The following PCDH12 variants were observed in gnomAD, a reference collection of about 807,000 sequenced individuals.
PCDH12 encodes the protein protocadherin-12.
PCDH12 carries 45 observed loss-of-function variants against 70.9 expected under a neutral mutation model. That is an observed-to-expected ratio of 0.63 (90% confidence interval 0.50 to 0.81). The LOEUF (loss-of-function observed/expected upper bound fraction) is 0.81. Ranked by LOEUF, PCDH12 falls within the 40% of genes least tolerant of loss-of-function variation. The pLI, the probability that PCDH12 is intolerant of heterozygous loss-of-function variation, is 0.00. For missense variants in PCDH12, 1,370 were observed against 1,491.7 expected (o/e 0.92, Z 1.34); for synonymous variants, 567 against 626.0 (o/e 0.91, Z 1.41).
Position 141,945,390 on chromosome 5 carries a change from C to T in PCDH12, c.3546G>A (p.Arg1182=). The part of the protein sequence containing the change: ...GKSRGSSSSS[R]CL ...GGCGTCTGAGGTATGTTCACAGGCA[C>T]CTGCTGCTGCTGCTGCTGCCTCTGC... Residue 1182 remains arginine, a synonymous_variant, in exon 4 of 4, where the codon AGG becomes AGA. Transcript: ENST00000231484. The T allele has an allele frequency of 6.4e-7, 1 of 1,551,102 alleles. No individual in the cohort carries two copies. The highest frequency in any genetic ancestry group is 8.8e-7 in the Non-Finnish European group (1 of 1,133,176).
chr5:141,955,360 T>A lies in PCDH12; in HGVS notation c.2492A>T (p.Asn831Ile), dbSNP rs751347629. ...TCGGCTCTCCGCCGGTGCTCCCTGG[T>A]TGCCTTGATTACGCAGCGTCCTGTA... ...TLYRTLRNQG[N>I]QGAPAESREV... is the part of the protein sequence containing the mutation. Residue 831 changes from asparagine (N) to isoleucine (I), a missense_variant, in exon 1 of 4, where the codon AAC becomes ATC. By Grantham distance (149) the Asn-to-Ile change is moderately radical. Coordinates refer to ENST00000231484, the MANE Select transcript of PCDH12 (RefSeq NM_016580.4). This position sits in a 1 kb window ranked among gnomAD's most constrained non-coding sequence, Gnocchi z 5.5. 6.2e-7 allele frequency: 1 copy of A among 1,614,096 alleles called. No homozygotes were observed. Among genetic ancestry groups the A allele is most frequent in the Non-Finnish European group, 8.5e-7 (1 of 1,180,002 alleles).
intron 3 of PCDH12, among the ~76,000 whole-genome samples, chr5:141,948,748 A>AT (rs1205922333): frequency 6.6e-5 from 10 of 151,932 alleles, no homozygotes; most frequent in Admixed American, 1.3e-4. Context: ...AGGCTACTTG[A>AT]TTTTTTTGAG....
chr5:141,945,602 C>G lies in PCDH12; in HGVS notation c.3334G>C (p.Glu1112Gln), dbSNP rs971005425. 6.2e-7 allele frequency: 1 copy of G among 1,614,092 alleles called. No individual in the cohort carries two copies. The highest frequency in any genetic ancestry group is 8.5e-7 in the Non-Finnish European group (1 of 1,180,054). The part of the protein sequence containing the change: ...GTRLASTFVS[E>Q]MSSLLEMLLE... Reference sequence around the variant, plus strand: ...AGCATCTCCAGCAGTGAGCTCATCTCCGAGACAAAGGTGCTGGCCAGCCTC... The same window carrying G: ...AGCATCTCCAGCAGTGAGCTCATCTGCGAGACAAAGGTGCTGGCCAGCCTC... Residue 1112 changes from glutamate to glutamine, a missense_variant, in exon 4 of 4, where the codon GAG becomes CAG. Physicochemically the swap from Glu to Gln is conservative, Grantham distance 29. Transcript: ENST00000231484.
intron 3 of PCDH12, among the ~76,000 whole-genome samples, chr5:141,946,993 A>C (rs1752951690): frequency 6.6e-6 from 1 of 152,174 alleles, no homozygotes; most frequent in Admixed American, 6.5e-5. Context: ...ACAGAATGAA[A>C]GACTGGAAGG....
intron 1 of PCDH12, chr5:141,953,072 C>G (rs1030392479): frequency 1.3e-5 from 2 of 152,320 alleles, no homozygotes; most frequent in Admixed American, 1.3e-4. Flanking sequence ...CCACCCTTTG[C>G]TCAAGTGACA....
chr5:141,957,929 A>T lies in PCDH12; in HGVS notation c.-78T>A, dbSNP rs1331256828. Reference sequence around the variant, plus strand: ...GGACAAGTCCTCCAGTGTTTCCTGGATGGCTTGATCAGCCCCGTGCTCCTT... The same window carrying T: ...GGACAAGTCCTCCAGTGTTTCCTGGTTGGCTTGATCAGCCCCGTGCTCCTT... On this transcript the variant is annotated 5_prime_UTR_variant, in exon 1 of 4. Transcript: ENST00000231484. This position sits in a 1 kb window ranked among gnomAD's most constrained non-coding sequence, Gnocchi z 4.3. The T allele has an allele frequency of 1.3e-6, 2 of 1,515,634 alleles. No individual in the cohort carries two copies. Among genetic ancestry groups the T allele is most frequent in the Non-Finnish European group, 1.8e-6 (2 of 1,130,626 alleles). The allele number at this position is 1,515,634 out of a possible 1,614,324, so 93.9% of individuals were successfully genotyped here. A position where few individuals can be genotyped will look rare whatever the true frequency, so the allele number is the denominator to read the frequency against.
chr5:141,954,341 A>C (rs1753139656), intron 1 of PCDH12, among the ~76,000 whole-genome samples: 1 of 152,192 alleles, frequency 6.6e-6, no homozygotes, highest in African/African-American at 2.4e-5. Context: ...CTTCATAGGG[A>C]AGTTGCCCAG....
At chr5:141,949,723 ATCATGT>A (rs1240078166) in intron 2 of PCDH12, 140 bp from the exon 3 acceptor site, 1 of 888,258 alleles carries the variant, frequency 1.1e-6, no homozygotes, top group Non-Finnish European at 1.7e-6. Context: ...ACCAACCTGG[ATCATGT>A]GATTCCCGCC....
At position 141,945,191 on chromosome 5, in the gene PCDH12, C is replaced by T; in HGVS notation, c.*190G>A. On this transcript the variant is annotated 3_prime_UTR_variant, in exon 4 of 4. Transcript: ENST00000231484. ...CTGTCCTCCAAAAGACTCAGAGCTG[C>T]TTACAAGGGGCTGCTTTGGTCAGTC... The T allele has an allele frequency of 1.4e-6, 1 of 701,750 alleles. No homozygotes were observed. Among genetic ancestry groups the T allele is most frequent in the East Asian group, 2.5e-5 (1 of 40,072 alleles). The allele number at this position is 701,750 out of a possible 1,614,324, so 43.5% of individuals were successfully genotyped here.
intron 3 of PCDH12, among the ~76,000 whole-genome samples, chr5:141,948,629 G>T (rs938399412): frequency 1.2e-4 from 18 of 152,214 alleles, no homozygotes; most frequent in Non-Finnish European, 1.6e-4. Context: ...CAGGGTGAAA[G>T]GGTATTGAAA....
Position 141,958,024 on chromosome 5 carries a change from A to G in PCDH12, c.-173T>C. On this transcript the variant is annotated 5_prime_UTR_variant, in exon 1 of 4. Transcript: ENST00000231484. ...ATGAAACAAGCAGGACCCCAAGGCA[A>G]GGCCATCTTCATTGGAAGCGATCTG... 1.4e-6 allele frequency: 1 copy of G among 715,094 alleles called. No individual in the cohort carries two copies. Among genetic ancestry groups the G allele is most frequent in the Non-Finnish European group, 2.2e-6 (1 of 444,860 alleles). The allele number at this position is 715,094 out of a possible 1,614,324, so 44.3% of individuals were successfully genotyped here.
intron 1 of PCDH12, chr5:141,952,558 AG>A (rs1753105848): frequency 6.6e-6 from 1 of 152,234 alleles, no homozygotes. Context: ...AGAATGGAGT[AG>A]GGGATGGGTG....
chr5:141,957,712 C>A lies in PCDH12; in HGVS notation c.140G>T (p.Gly47Val). 1 of 1,614,094 alleles carries A rather than the reference C, an allele frequency of 6.2e-7. No individual in the cohort carries two copies. The highest frequency in any genetic ancestry group is 8.5e-7 in the Non-Finnish European group (1 of 1,180,022). Residue 47 changes from glycine to valine, a missense_variant, in exon 1 of 4, where the codon GGG becomes GTG. Coordinates refer to ENST00000231484, the MANE Select transcript of PCDH12 (RefSeq NM_016580.4). The surrounding 1 kb of genome is among the most constrained non-coding windows in gnomAD (Gnocchi z 4.3). ...SEEVPSGTVIGKLSQELGREE... is the reference protein window; with the variant it reads ...SEEVPSGTVIVKLSQELGREE... Reference sequence around the variant, plus strand: ...CCGGCCCAGTTCCTGGGACAGCTTCCCGATCACTGTACCAGATGGCACTTC... The same window carrying A: ...CCGGCCCAGTTCCTGGGACAGCTTCACGATCACTGTACCAGATGGCACTTC...
Position 141,945,749 on chromosome 5 carries a change from AAG to A in PCDH12, c.3185_3186del (p.Ser1062PhefsTer9), listed in dbSNP as rs1466358630. ...TCACGGTAGTTGGTGGTGAGGGGCA[AAG>A]AGAGTCTCGCCATCCAGGCCGGGTC... ...APDPAWMARLSLPLTTNYRDN... is the reference protein window; with the variant it reads ...APDPAWMARLXLPLTTNYRDN... On this transcript the variant is annotated frameshift_variant, in exon 4 of 4. Coordinates refer to ENST00000231484, the MANE Select transcript of PCDH12 (RefSeq NM_016580.4). LOFTEE classifies it high-confidence loss of function. 1.9e-6 allele frequency: 3 copies of A among 1,613,892 alleles called. No individual in the cohort carries two copies. The highest frequency in any genetic ancestry group is 2.2e-5 in the East Asian group (1 of 44,886).
At position 141,957,306 on chromosome 5, in the gene PCDH12, C is replaced by G. The variant is rs769226373; in HGVS notation, c.546G>C (p.Leu182Phe). The G allele has an allele frequency of 9.3e-6, 15 of 1,613,238 alleles. No homozygotes were observed. In the East Asian group the frequency reaches 3.3e-4, roughly 36 times the overall value. Residue 182 changes from leucine (L) to phenylalanine (F), a missense_variant, in exon 1 of 4, where the codon TTG (leucine) becomes TTC (phenylalanine). Coordinates refer to ENST00000231484, the MANE Select transcript of PCDH12 (RefSeq NM_016580.4). This position sits in a 1 kb window ranked among gnomAD's most constrained non-coding sequence, Gnocchi z 4.3. ...TCTCATCAGGGCCCACAATGACATC[C>G]AAGGCAAAGTGCTCACTGGGAGACA... Reference protein sequence around the residue: ...YTLSPSEHFALDVIVGPDETK... With the variant: ...YTLSPSEHFAFDVIVGPDETK...
intron 2 of PCDH12, among the ~76,000 whole-genome samples, chr5:141,950,911 G>T (rs1753067799): frequency 6.6e-6 from 1 of 152,166 alleles, no homozygotes; most frequent in African/African-American, 2.4e-5. Context: ...AAGGGAAATG[G>T]GATGGGTTCT....
chr5:141,956,447 T>C lies in PCDH12; in HGVS notation c.1405A>G (p.Thr469Ala), dbSNP rs766258867. 16 of 1,614,252 alleles carry C rather than the reference T, an allele frequency of 9.9e-6. 1 individual carries two copies. In the East Asian group the frequency reaches 3.6e-4, roughly 36 times the overall value. ...AGAGAGGGTAAGTTGTTTTCCCGCGTGGAGACTTCATACCTGCTTTTCTCA... is the reference window on the plus strand; with the variant it reads ...AGAGAGGGTAAGTTGTTTTCCCGCGCGGAGACTTCATACCTGCTTTTCTCA... ...VFEKSRYEVS[T>A]RENNLPSLHL... The change falls in exon 1 of 4, where the codon ACG becomes GCG. Residue 469 changes from threonine to alanine, a missense_variant. Coordinates refer to ENST00000231484, the MANE Select transcript of PCDH12 (RefSeq NM_016580.4).
Position 141,956,429 on chromosome 5 carries a change from G to A in PCDH12, c.1423C>T (p.Pro475Ser). The A allele has an allele frequency of 1.2e-6, 2 of 1,614,184 alleles. No individual in the cohort carries two copies. The highest frequency in any genetic ancestry group is 1.1e-5 in the South Asian group (1 of 91,078). The stretch of plus-strand genomic sequence containing the variant: ...TTGATGGTAATGAGGTGAAGAGAGG[G>A]TAAGTTGTTTTCCCGCGTGGAGACT... ...YEVSTRENNL[P>S]SLHLITIKAH... Residue 475 changes from proline to serine, a missense_variant, in exon 1 of 4, where the codon CCC becomes TCC. Coordinates refer to ENST00000231484, the MANE Select transcript of PCDH12 (RefSeq NM_016580.4).
intron 1 of PCDH12, chr5:141,952,448 G>A (rs572994908): frequency 6.6e-6 from 1 of 152,364 alleles, no homozygotes; most frequent in East Asian, 1.9e-4. Flanking sequence ...TTGGCAAGTG[G>A]AAAGAGAATG....
Sources: gnomAD v4.1 joint callset for allele counts (sites outside exome capture counted in the v4.1 genomes callset) on GRCh38, gnomAD v4.1.1 for gene constraint, Gnocchi (gnomAD v3.1) non-coding constraint, MANE v1.5 for transcripts, NCBI Gene and HGNC (gene_info 2026-07-23, HGNC 2026-07-21) for gene names.